NCOR1: variants seen among roughly 807,000 people sequenced by gnomAD.
The protein encoded by NCOR1 is protein phosphatase 1, regulatory subunit 109.
Under a neutral mutation model 288.1 loss-of-function variants are expected in NCOR1, and 63 were observed. The ratio of observed to expected loss-of-function variants is 0.22; its 90% CI spans 0.18 to 0.27. NCOR1 has a LOEUF of 0.27. Ranked by LOEUF, NCOR1 falls within the 10% of genes least tolerant of loss-of-function variation. The probability of loss-of-function intolerance (pLI) is 1.00; values close to 1 mark genes in which losing one functional copy is unlikely to be tolerated. For synonymous variants in NCOR1, 1,007 were observed against 1,065.9 expected (o/e 0.94, Z 1.08); for missense variants, 2,397 against 3,019.2 (o/e 0.79, Z 4.83).
chr17:16,047,941 A>G (rs974385331), intron 41 of NCOR1, among the ~76,000 whole-genome samples: 2 of 152,260 alleles, frequency 1.3e-5, no homozygotes, highest in Non-Finnish European at 2.9e-5. Context: ...GTATAATTAA[A>G]TTGAACATCA....
At chr17:16,210,983 G>A (rs557471434) in intron 1 of NCOR1, among the ~76,000 whole-genome samples, 362 of 151,984 alleles carry the variant, frequency 2.4e-3, no homozygotes, top group South Asian at 0.013. Flanking sequence ...CGCCCACCTC[G>A]GCCTCCCAAA....
rs1971798313 is a variant in NCOR1 at position 16,030,108 on chromosome 17, G to T, written c.*2188C>A. The T allele has an allele frequency of 5.5e-6, 1 of 181,420 alleles. No homozygotes were observed. The highest frequency in any genetic ancestry group is 1.2e-5 in the Non-Finnish European group (1 of 85,086). The allele number at this position is 181,420 out of a possible 1,614,324, so 11.2% of individuals were successfully genotyped here. A position where few individuals can be genotyped will look rare whatever the true frequency, so the allele number is the denominator to read the frequency against. ...AACATAGTCGATTGACACATATTTT[G>T]TATATGTATTATATACTGTATTCTT... On this transcript the variant is annotated 3_prime_UTR_variant, in exon 46 of 46. Transcript: ENST00000268712.
intron 44 of NCOR1, among the ~76,000 whole-genome samples, chr17:16,038,128 T>C (rs945446622): frequency 6.6e-6 from 1 of 152,164 alleles, no homozygotes; most frequent in Non-Finnish European, 1.5e-5. Flanking sequence ...GTGAGATAGA[T>C]CTTTTGCTTG....
At chr17:16,149,928 C>T (rs906631093) in intron 8 of NCOR1, among the ~76,000 whole-genome samples, 5 of 152,048 alleles carry the variant, frequency 3.3e-5, no homozygotes, top group African/African-American at 7.2e-5. Flanking sequence ...CTCCCTTCTA[C>T]GAGGAAAATG....
Position 16,215,430 on chromosome 17 carries a change from C to T in NCOR1, c.-139G>A. The T allele has an allele frequency of 2.5e-6, 1 of 396,688 alleles. No homozygotes were observed. The allele number at this position is 396,688 out of a possible 1,614,324, so 24.6% of individuals were successfully genotyped here. A position where few individuals can be genotyped will look rare whatever the true frequency, so the allele number is the denominator to read the frequency against. On this transcript the variant is annotated 5_prime_UTR_variant, in exon 1 of 46. Coordinates refer to ENST00000268712, the MANE Select transcript of NCOR1 (RefSeq NM_006311.4). ...AGGAGTGGGACGCGGCCACGGCGCG[C>T]GGCCCTACACCGGGACCTCGTTCGG...
intron 40 of NCOR1, among the ~76,000 whole-genome samples, chr17:16,054,177 GC>G (rs1191251760): frequency 2.0e-5 from 3 of 149,670 alleles, no homozygotes; most frequent in African/African-American, 7.4e-5. Flanking sequence ...GACACCAAAA[GC>G]AACTGGAACA....
intron 22 of NCOR1, among the ~76,000 whole-genome samples, chr17:16,091,341 A>G (rs111538332): frequency 5.3e-5 from 8 of 152,366 alleles, no homozygotes; most frequent in African/African-American, 1.9e-4. Context: ...GTGTACTATT[A>G]TTTTCATTTT....
intron 1 of NCOR1, among the ~76,000 whole-genome samples, chr17:16,195,666 T>C (rs997774630): frequency 3.9e-5 from 6 of 152,234 alleles, no homozygotes; most frequent in African/African-American, 1.4e-4. Context: ...TTGCTGTTGC[T>C]GCTACTTTCA....
intron 9 of NCOR1, among the ~76,000 whole-genome samples, chr17:16,149,023 T>C (rs1378828754): frequency 6.6e-6 from 1 of 151,984 alleles, no homozygotes; most frequent in East Asian, 1.9e-4. Context: ...TAAAAAAATA[T>C]GGAAAACCAT....
At chr17:16,075,017 G>A (rs1205298296) in intron 27 of NCOR1, among the ~76,000 whole-genome samples, 1 of 152,120 alleles carries the variant, frequency 6.6e-6, no homozygotes, top group Non-Finnish European at 1.5e-5. Flanking sequence ...ACAGGCGCCC[G>A]CCACCATGCC....
chr17:16,067,326 T>C (rs2061243769), intron 32 of NCOR1, among the ~76,000 whole-genome samples: 1 of 152,230 alleles, frequency 6.6e-6, no homozygotes, highest in African/African-American at 2.4e-5. Flanking sequence ...CTCTGAAAAC[T>C]AACAGCTTTG....
intron 6 of NCOR1, 109 bp from the exon 7 acceptor site, chr17:16,153,504 C>T (rs937307815): frequency 3.3e-5 from 21 of 628,396 alleles, no homozygotes; most frequent in Non-Finnish European, 4.4e-5. Flanking sequence ...TGAACTTATC[C>T]TTATTTCCAA....
At chr17:16,181,213 G>GTATGTATGTATGTATGTA (rs370956442) in intron 3 of NCOR1, among the ~76,000 whole-genome samples, 46 of 122,028 alleles carry the variant, frequency 3.8e-4, no homozygotes, top group African/African-American at 1.7e-3. Context: ...ATATATGTAT[G>GTATGTATGTATGTATGTA]TGTGTGTGTG....
At chr17:16,148,418 C>T (rs2078322506) in intron 9 of NCOR1, among the ~76,000 whole-genome samples, 2 of 152,146 alleles carry the variant, frequency 1.3e-5, no homozygotes, top group African/African-American at 4.8e-5. Flanking sequence ...TGTCTGACTT[C>T]CATCACCTTA....
chr17:16,070,402 T>C lies in NCOR1; in HGVS notation c.4276A>G (p.Asn1426Asp). The C allele has an allele frequency of 1.2e-6, 2 of 1,614,176 alleles. No homozygotes were observed. The highest frequency in any genetic ancestry group is 1.7e-6 in the Non-Finnish European group (2 of 1,180,030). ...TTTCCCCGTTCTACCACTTTTATGT[T>C]CTCTGGCACAATTTCCAGCGGAGGC... ...GMPPLEIVPE[N>D]IKVVERGKYE... Residue 1426 changes from asparagine to aspartate, a missense_variant, in exon 31 of 46, where the codon AAC becomes GAC. Coordinates refer to ENST00000268712, the MANE Select transcript of NCOR1 (RefSeq NM_006311.4).
At chr17:16,125,443 G>A (rs986929875) in intron 15 of NCOR1, among the ~76,000 whole-genome samples, 18 of 151,976 alleles carry the variant, frequency 1.2e-4, no homozygotes, top group Non-Finnish European at 2.4e-4. Context: ...AGTGGCTCAC[G>A]TCTATAATCC....
chr17:16,082,940 C>T (rs1022119456), intron 23 of NCOR1, among the ~76,000 whole-genome samples: 1 of 152,124 alleles, frequency 6.6e-6, no homozygotes, highest in Non-Finnish European at 1.5e-5. Context: ...TTCTGCCTAA[C>T]AGTAAAATAC....
intron 18 of NCOR1, among the ~76,000 whole-genome samples, chr17:16,115,739 T>C (rs1392134727): frequency 6.6e-6 from 1 of 152,192 alleles, no homozygotes; most frequent in Non-Finnish European, 1.5e-5. Context: ...CATATCACTA[T>C]CAGCAGTTTT....
At chr17:16,187,970 T>C (rs2087071425) in intron 2 of NCOR1, among the ~76,000 whole-genome samples, 1 of 150,912 alleles carries the variant, frequency 6.6e-6, no homozygotes, top group South Asian at 2.1e-4. Flanking sequence ...GAATTGGTGG[T>C]TGTCAAAAGA....
Sources: allele counts gnomAD v4.1 joint callset (sites outside exome capture counted in the v4.1 genomes callset), GRCh38; gene constraint gnomAD v4.1.1; transcripts MANE v1.5; gene names NCBI Gene and HGNC (gene_info 2026-07-23, HGNC 2026-07-21).